Variants in TFCP2 observed in about 807,000 individuals in gnomAD.
TFCP2 encodes alpha-globin transcription factor CP2.
In TFCP2, 33 loss-of-function variants were observed where a neutral mutation model predicts 73.4. That is an observed-to-expected ratio of 0.45 (90% CI 0.34 to 0.60). The LOEUF (loss-of-function observed/expected upper bound fraction) is 0.60, where lower values mean the gene tolerates loss of function less well. Ranked by LOEUF, TFCP2 falls within the 20% of genes least tolerant of loss-of-function variation. The pLI, the probability that TFCP2 is intolerant of heterozygous loss-of-function variation, is 0.01. For synonymous variants in TFCP2, 193 were observed against 211.6 expected (o/e 0.91, Z 0.76); for missense variants, 352 against 604.0 (o/e 0.58, Z 4.37).
chr12:51,130,005 GC>G (rs1940903257), intron 1 of TFCP2, among the ~76,000 whole-genome samples: 2 of 151,692 alleles, frequency 1.3e-5, no homozygotes, highest in Non-Finnish European at 2.9e-5. Context: ...TGTTAAATTA[GC>G]TGGGCATGGT....
chr12:51,169,542 T>C (rs1177036292), intron 1 of TFCP2, among the ~76,000 whole-genome samples: 9 of 150,308 alleles, frequency 6.0e-5, no homozygotes, highest in Admixed American at 6.0e-4. Context: ...GACAAGTACC[T>C]AACACATGAA....
chr12:51,141,663 G>A (rs1317204138), intron 1 of TFCP2, among the ~76,000 whole-genome samples: 1 of 151,926 alleles, frequency 6.6e-6, no homozygotes, highest in Non-Finnish European at 1.5e-5. Flanking sequence ...ACTTTGGGAG[G>A]CCGATGTGGG....
chr12:51,137,527 T>G (rs1392960745), intron 1 of TFCP2, among the ~76,000 whole-genome samples: 1 of 152,178 alleles, frequency 6.6e-6, no homozygotes, highest in Non-Finnish European at 1.5e-5. Context: ...CTTCTTAGTT[T>G]TTTTCATACA....
intron 1 of TFCP2, among the ~76,000 whole-genome samples, chr12:51,132,355 G>GTTTTTTT (rs1276335598): frequency 2.1e-3 from 46 of 21,398 alleles, no homozygotes; most frequent in Non-Finnish European, 3.5e-3. Flanking sequence ...TTAGGGATTA[G>GTTTTTTT]TCTTTTTTTT....
intron 1 of TFCP2, among the ~76,000 whole-genome samples, chr12:51,126,922 C>T (rs1416497425): frequency 6.6e-6 from 1 of 152,104 alleles, no homozygotes; most frequent in Non-Finnish European, 1.5e-5. Context: ...GATGTAAGGT[C>T]AGATCAGGGA....
chr12:51,141,446 T>C (rs1382899775), intron 1 of TFCP2, among the ~76,000 whole-genome samples: 1 of 152,164 alleles, frequency 6.6e-6, no homozygotes, highest in East Asian at 1.9e-4. Flanking sequence ...CTGTTTATAG[T>C]TTCTTCTCTG....
Position 51,172,638 on chromosome 12 carries a change from A to C in TFCP2, c.-216T>G, listed in dbSNP as rs1019917100. 1.9e-5 allele frequency: 10 copies of C among 530,762 alleles called. No individual in the cohort carries two copies. Among genetic ancestry groups the C allele is most frequent in the South Asian group, 6.4e-5 (3 of 46,716 alleles). The allele number at this position is 530,762 out of a possible 1,614,324, so 32.9% of individuals were successfully genotyped here. ...GTTCTTGGCTGCCCCAGGTTCCAAA[A>C]TCCCCCCTGCCCAGCTCTCAGGAAC... On this transcript the variant is annotated 5_prime_UTR_variant, in exon 1 of 15. Transcript: ENST00000257915.
chr12:51,127,675 A>G (rs1242379640), intron 1 of TFCP2, among the ~76,000 whole-genome samples: 2 of 152,204 alleles, frequency 1.3e-5, no homozygotes, highest in Non-Finnish European at 2.9e-5. Context: ...AATCATCTTG[A>G]AAGTAGAAAG....
At chr12:51,145,219 A>T (rs1941270071) in intron 1 of TFCP2, among the ~76,000 whole-genome samples, 1 of 136,872 alleles carries the variant, frequency 7.3e-6, no homozygotes, top group Non-Finnish European at 1.6e-5. Flanking sequence ...AAAAAAAAAA[A>T]CTAAATACAA....
chr12:51,098,725 C>A, intron 13 of TFCP2, 51 bp downstream of exon 13: 3 of 1,601,358 alleles, frequency 1.9e-6, no homozygotes, highest in Non-Finnish European at 2.6e-6. Context: ...TTGCTCCATG[C>A]GCTGACAAAT....
rs1447930216 is a variant in TFCP2 at position 51,118,126 on chromosome 12, A to G, written c.275-379T>C. ...AGGAAGAGGAAGCTGGACACTAAAA[A>G]TGGACAGCTAAGCAAAAGAAGCTAG... On this transcript the variant is annotated intron_variant, in intron 2 of 14. Transcript: ENST00000257915. Among the ~76,000 whole-genome samples, 3 of 152,364 alleles carry G rather than the reference A, an allele frequency of 2.0e-5. No homozygotes were observed. In the East Asian group the frequency reaches 5.8e-4, roughly 29 times the overall value.
chr12:51,130,136 C>G (rs2137001148), intron 1 of TFCP2, among the ~76,000 whole-genome samples: 2 of 151,634 alleles, frequency 1.3e-5, no homozygotes, highest in South Asian at 4.2e-4. Context: ...CAGAATGAGA[C>G]CCCTTCACAA....
At chr12:51,121,372 T>TCC (rs1940667908) in intron 1 of TFCP2, among the ~76,000 whole-genome samples, 2 of 148,280 alleles carry the variant, frequency 1.3e-5, no homozygotes, top group Admixed American at 6.7e-5. Context: ...TGAGCCAAGA[T>TCC]CGTACCACTG....
intron 7 of TFCP2, 133 bp downstream of exon 7, chr12:51,107,103 G>A (rs12580097): frequency 1.2e-5 from 9 of 745,834 alleles, no homozygotes; most frequent in Admixed American, 5.2e-5. Flanking sequence ...TGTTAAGGCC[G>A]CTGGACACAG....
At chr12:51,155,159 C>T (rs1941511660) in intron 1 of TFCP2, among the ~76,000 whole-genome samples, 1 of 152,150 alleles carries the variant, frequency 6.6e-6, no homozygotes, top group African/African-American at 2.4e-5. Flanking sequence ...GCCTTTGGAC[C>T]CCAGGACTTA....
Position 51,093,986 on chromosome 12 carries a change from TACACACACACAC to T in TFCP2, c.*1243_*1254del, listed in dbSNP as rs10694278. ...ACCCATGATGTTACACTTACACACT[TACACACACACAC>T]ACACACACACACAATCATTCTTAAG... On this transcript the variant is annotated 3_prime_UTR_variant, in exon 15 of 15. Transcript: ENST00000257915. 2.5e-5 allele frequency: 3 copies of T among 120,020 alleles called. No homozygotes were observed. The highest frequency in any genetic ancestry group is 5.8e-5 in the Non-Finnish European group (3 of 51,700). The allele number at this position is 120,020 out of a possible 1,614,324, so 7.4% of individuals were successfully genotyped here. A position where few individuals can be genotyped will look rare whatever the true frequency, so the allele number is the denominator to read the frequency against.
intron 8 of TFCP2, among the ~76,000 whole-genome samples, chr12:51,105,975 T>C (rs1051109761): frequency 5.9e-5 from 9 of 152,212 alleles, no homozygotes; most frequent in Admixed American, 5.9e-4. Context: ...TTATCTCTTA[T>C]GGTAAAAGAT....
rs755082323 is a variant in TFCP2, at chr12:51,125,030, C to T, written c.123-6258G>A. 1.5e-5 allele frequency: 11 copies of T among 741,924 alleles called. No individual in the cohort carries two copies. In the East Asian group the frequency reaches 2.8e-4, roughly 19 times the overall value. 46.0% of individuals were successfully genotyped at this position (741,924 alleles called of 1,614,324 possible). Reference sequence around the variant, plus strand: ...CAGCATCAAAGCGAGCCACCACTGACTTGAGGATCTCGGTCGTGATGTACG... The same window carrying T: ...CAGCATCAAAGCGAGCCACCACTGATTTGAGGATCTCGGTCGTGATGTACG... On this transcript the variant is annotated intron_variant, in intron 1 of 14. Coordinates refer to ENST00000257915, the MANE Select transcript of TFCP2 (RefSeq NM_005653.5).
intron 13 of TFCP2, among the ~76,000 whole-genome samples, chr12:51,096,879 A>G (rs1462883705): frequency 6.6e-6 from 1 of 152,206 alleles, no homozygotes; most frequent in African/African-American, 2.4e-5. Context: ...TACAAAGGAA[A>G]TAATTATGTG....
Sources: gnomAD v4.1 joint callset for allele counts (sites outside exome capture counted in the v4.1 genomes callset) on GRCh38, gnomAD v4.1.1 for gene constraint, MANE v1.5 for transcripts, NCBI Gene and HGNC (gene_info 2026-07-23, HGNC 2026-07-21) for gene names.